The following FAM222B variants were observed in gnomAD, a reference collection of about 807,000 sequenced individuals.
FAM222B encodes the protein protein FAM222B.
In FAM222B, 12 loss-of-function variants were observed where a neutral mutation model predicts 38.0. The observed-to-expected ratio is 0.32, with a 90% CI of 0.20 to 0.51. The LOEUF (loss-of-function observed/expected upper bound fraction) is 0.51, where lower values mean the gene tolerates loss of function less well. Ranked by LOEUF, FAM222B falls within the 20% of genes least tolerant of loss-of-function variation. The pLI is 0.97. For synonymous variants in FAM222B, 329 were observed against 317.2 expected (o/e 1.04, Z -0.40); for missense variants, 716 against 754.2 (o/e 0.95, Z 0.59).
chr17:28,807,378 G>GT (rs1163212755), intron 1 of FAM222B, among the ~76,000 whole-genome samples: 1 of 150,948 alleles, frequency 6.6e-6, no homozygotes, highest in South Asian at 2.1e-4. Flanking sequence ...TTGTGTGTGT[G>GT]TTTTTTTGTT....
intron 1 of FAM222B, among the ~76,000 whole-genome samples, chr17:28,769,086 T>C (rs913444951): frequency 2.0e-5 from 3 of 151,768 alleles, no homozygotes; most frequent in Non-Finnish European, 4.4e-5. Flanking sequence ...TCATCATCTC[T>C]AGATGGGATT....
At chr17:28,783,100 T>G (rs1325571802) in intron 1 of FAM222B, among the ~76,000 whole-genome samples, 2 of 147,538 alleles carry the variant, frequency 1.4e-5, no homozygotes, top group Non-Finnish European at 3.0e-5. Flanking sequence ...ATCGTGCCAC[T>G]GCACTCCAGC....
chr17:28,810,849 C>T (rs1009496504), intron 1 of FAM222B, among the ~76,000 whole-genome samples: 4 of 152,144 alleles, frequency 2.6e-5, no homozygotes, highest in Non-Finnish European at 5.9e-5. Flanking sequence ...TTTTATAATA[C>T]TTGCTTTCAT....
At chr17:28,798,156 T>C (rs1206508117) in intron 1 of FAM222B, among the ~76,000 whole-genome samples, 1 of 152,078 alleles carries the variant, frequency 6.6e-6, no homozygotes, top group African/African-American at 2.4e-5. Context: ...TCTGGGAGGC[T>C]GAGGTGAGCA....
intron 1 of FAM222B, among the ~76,000 whole-genome samples, chr17:28,806,559 C>T (rs985046235): frequency 3.9e-5 from 6 of 152,142 alleles, no homozygotes; most frequent in Non-Finnish European, 7.3e-5. Context: ...AGTTCAAGGC[C>T]AGCCTGGGCA....
chr17:28,812,740 C>G (rs1047263389), intron 1 of FAM222B, among the ~76,000 whole-genome samples: 5 of 151,910 alleles, frequency 3.3e-5, no homozygotes, highest in Non-Finnish European at 7.4e-5. Context: ...CCCTTTGCAC[C>G]CCTTCTCCCT....
chr17:28,837,306 T>A (rs1353303859), intron 1 of FAM222B, among the ~76,000 whole-genome samples: 1 of 150,942 alleles, frequency 6.6e-6, no homozygotes. Flanking sequence ...GGTGGGCGCC[T>A]GTAGTCCTAG....
intron 1 of FAM222B, among the ~76,000 whole-genome samples, chr17:28,850,520 G>T (rs1015472412): frequency 2.6e-5 from 4 of 152,102 alleles, no homozygotes; most frequent in East Asian, 1.9e-4. Flanking sequence ...GGATGGTCTC[G>T]ATCTCCTGAC....
chr17:28,783,408 G>A (rs2036245882), intron 1 of FAM222B, among the ~76,000 whole-genome samples: 1 of 152,122 alleles, frequency 6.6e-6, no homozygotes, highest in Non-Finnish European at 1.5e-5. Flanking sequence ...GAGAACACTG[G>A]AAGCACACTG....
intron 1 of FAM222B, 27 bp from the exon 2 acceptor site, chr17:28,766,734 A>G (rs933773432): frequency 3.8e-6 from 5 of 1,301,244 alleles, no homozygotes; most frequent in Non-Finnish European, 5.4e-6. Context: ...CAAGGTCATG[A>G]AACACAAGGC....
chr17:28,781,826 A>T (rs1384929577), intron 1 of FAM222B, among the ~76,000 whole-genome samples: 2 of 152,322 alleles, frequency 1.3e-5, no homozygotes, highest in Middle Eastern at 3.4e-3. Context: ...GGAATCTAAA[A>T]AAGTCAAACT....
chr17:28,851,712 C>T (rs952204934), intron 1 of FAM222B, among the ~76,000 whole-genome samples: 5 of 151,798 alleles, frequency 3.3e-5, no homozygotes, highest in African/African-American at 7.3e-5. Context: ...CCTGTCTCTA[C>T]TAAAAATACA....
intron 1 of FAM222B, among the ~76,000 whole-genome samples, chr17:28,777,995 G>A (rs2035969642): frequency 6.9e-6 from 1 of 144,996 alleles, no homozygotes; most frequent in Admixed American, 6.9e-5. Context: ...TCATCATGTT[G>A]CCCAGGCTGG....
chr17:28,769,257 G>T (rs1311153398), intron 1 of FAM222B, among the ~76,000 whole-genome samples: 5 of 131,682 alleles, frequency 3.8e-5, no homozygotes, highest in Non-Finnish European at 7.7e-5. Flanking sequence ...TCGGTTCACT[G>T]CAACCTCCGC....
rs762239819 is a variant in FAM222B at position 28,758,781 on chromosome 17, G to A, written c.1178C>T (p.Ala393Val). The change falls in exon 3 of 3, where the codon GCG (alanine) becomes GTG (valine). Residue 393 changes from alanine to valine, a missense_variant. By Grantham distance (64) the Ala-to-Val change is moderately conservative. Transcript: ENST00000581407. ...TPAPGLTGKHAAGRELAGPGF... is the reference protein window; with the variant it reads ...TPAPGLTGKHVAGRELAGPGF... ...AGGCCCTGCCAACTCGCGTCCTGCC[G>A]CATGCTTGCCTGTCAGGCCAGGGGC... is the stretch of plus-strand genomic sequence containing the variant. The A allele has an allele frequency of 2.4e-5, 38 of 1,574,250 alleles. No homozygotes were observed. Among genetic ancestry groups the A allele is most frequent in the African/African-American group, 4.1e-5 (3 of 74,030 alleles).
rs564764437 is a variant in FAM222B, at chr17:28,759,378, T to A, written c.581A>T (p.Gln194Leu). 218 of 1,606,896 alleles carry A rather than the reference T, an allele frequency of 1.4e-4. No homozygotes were observed. The Middle Eastern group carries it at 1.7e-3, about 12-fold the overall frequency. The change falls in exon 3 of 3, where the codon CAG becomes CTG. Residue 194 changes from glutamine to leucine, a missense_variant. Coordinates refer to ENST00000581407, the MANE Select transcript of FAM222B (RefSeq NM_001077498.3). The surrounding 1 kb of genome is among the most constrained non-coding windows in gnomAD (Gnocchi z 4.8). ...CATGGGCTGAGGGTGGCCCAGGCCC[T>A]GAGGCTGCTGGAGGCTCTGAGGGTG... ...LSHPQSLQQP[Q>L]GLGHPQPMAQ... is the part of the protein sequence containing the mutation.
intron 1 of FAM222B, among the ~76,000 whole-genome samples, chr17:28,854,100 C>T (rs1278878489): frequency 6.6e-6 from 1 of 152,046 alleles, no homozygotes; most frequent in Non-Finnish European, 1.5e-5. Context: ...CCCGCCACCA[C>T]GCCCGGCTAA....
intron 1 of FAM222B, among the ~76,000 whole-genome samples, chr17:28,778,007 C>CT (rs34833861): frequency 0.3 from 32,188 of 106,550 alleles, 5,425 homozygotes; most frequent in African/African-American, 0.48. Context: ...CCAGGCTGGA[C>CT]TTTTTTTTTT....
chr17:28,784,730 T>C (rs1213887443), intron 1 of FAM222B, among the ~76,000 whole-genome samples: 3 of 151,814 alleles, frequency 2.0e-5, no homozygotes, highest in Non-Finnish European at 4.4e-5. Flanking sequence ...CTCAGGAGGC[T>C]GAGGCAGGAG....
Sources: allele counts gnomAD v4.1 joint callset (sites outside exome capture counted in the v4.1 genomes callset), GRCh38; gene constraint gnomAD v4.1.1; non-coding constraint Gnocchi (gnomAD v3.1); transcripts MANE v1.5; gene names NCBI Gene and HGNC (gene_info 2026-07-23, HGNC 2026-07-21).